Variants in BMP5 observed in about 807,000 individuals in gnomAD.
The protein encoded by BMP5 is bone morphogenetic protein 5.
Under a neutral mutation model 46.6 loss-of-function variants are expected in BMP5, and 23 were observed. The ratio of observed to expected loss-of-function variants is 0.49; its 90% CI spans 0.35 to 0.70. The LOEUF is 0.70. Among genes scored for constraint, BMP5 ranks in the 30% least tolerant of loss-of-function variants. The pLI, the probability that BMP5 is intolerant of heterozygous loss-of-function variation, is 0.00. For missense variants in BMP5, 545 were observed against 565.6 expected (o/e 0.96, Z 0.37); for synonymous variants, 204 against 191.9 (o/e 1.06, Z -0.52).
intron 3 of BMP5, among the ~76,000 whole-genome samples, chr6:55,785,113 T>C (rs1435790123): frequency 6.6e-6 from 1 of 151,834 alleles, no homozygotes; most frequent in African/African-American, 2.4e-5. Context: ...TTACTGAAAA[T>C]GAATTAAAAA....
chr6:55,859,333 G>A (rs1003250593), intron 1 of BMP5, among the ~76,000 whole-genome samples: 3 of 152,072 alleles, frequency 2.0e-5, no homozygotes, highest in Admixed American at 2.0e-4. Context: ...TAAAAAACTG[G>A]TCAGGAATGT....
chr6:55,851,049 A>ACTTTATAT (rs1276728131), intron 1 of BMP5, among the ~76,000 whole-genome samples: 1 of 151,912 alleles, frequency 6.6e-6, no homozygotes, highest in East Asian at 1.9e-4. Flanking sequence ...TGTGTATCCT[A>ACTTTATAT]CTTTATATTC....
chr6:55,870,549 TG>T (rs1327465306), intron 1 of BMP5, among the ~76,000 whole-genome samples: 2 of 152,186 alleles, frequency 1.3e-5, no homozygotes, highest in East Asian at 3.9e-4. Flanking sequence ...CATGTGTTTA[TG>T]GGTGTGTTTA....
At chr6:55,865,668 T>A (rs1777623938) in intron 1 of BMP5, among the ~76,000 whole-genome samples, 1 of 152,218 alleles carries the variant, frequency 6.6e-6, no homozygotes, top group South Asian at 2.1e-4. Flanking sequence ...TTTGACAAAG[T>A]CTTGTAGGCT....
At chr6:55,756,321 C>G (rs574957871) in intron 6 of BMP5, among the ~76,000 whole-genome samples, 1 of 151,908 alleles carries the variant, frequency 6.6e-6, no homozygotes, top group African/African-American at 2.4e-5. Context: ...GCCCCCTAGA[C>G]AAGTGCCAAA....
At chr6:55,819,967 A>G (rs1776369750) in intron 1 of BMP5, 120 bp from the exon 2 acceptor site, 1 of 851,090 alleles carries the variant, frequency 1.2e-6, no homozygotes. Flanking sequence ...AAAACTGGAA[A>G]AACCCTAAAA....
rs1043243175 is a variant in BMP5, at chr6:55,828,030, T to C, written c.491-8183A>G. Among the ~76,000 whole-genome samples the C allele has an allele frequency of 1.9e-4, 29 of 152,010 alleles. 1 individual carries two copies. Among genetic ancestry groups the C allele is most frequent in the African/African-American group, 7.0e-4 (29 of 41,550 alleles). Reference sequence around the variant, plus strand: ...GGTCAACCATTCTAATCTCACCAGATTTCACTAAATGATCTTGTGAATTCT... The same window carrying C: ...GGTCAACCATTCTAATCTCACCAGACTTCACTAAATGATCTTGTGAATTCT... On this transcript the variant is annotated intron_variant, in intron 1 of 6. Transcript: ENST00000370830.
At chr6:55,843,950 T>C (rs916763862) in intron 1 of BMP5, among the ~76,000 whole-genome samples, 1 of 152,036 alleles carries the variant, frequency 6.6e-6, no homozygotes, top group African/African-American at 2.4e-5. Context: ...TCAGTCATGA[T>C]TTTTCATGAA....
intron 2 of BMP5, among the ~76,000 whole-genome samples, chr6:55,795,373 T>C (rs1775683797): frequency 6.6e-6 from 1 of 152,040 alleles, no homozygotes; most frequent in Admixed American, 6.6e-5. Flanking sequence ...TTTATGACCT[T>C]TGATATTGTA....
At chr6:55,849,931 T>C (rs1173264482) in intron 1 of BMP5, among the ~76,000 whole-genome samples, 2 of 152,092 alleles carry the variant, frequency 1.3e-5, no homozygotes, top group East Asian at 3.8e-4. Flanking sequence ...TTACAGTACA[T>C]TTTCTGGTGG....
At chr6:55,786,017 A>G (rs968370244) in intron 3 of BMP5, among the ~76,000 whole-genome samples, 1 of 151,886 alleles carries the variant, frequency 6.6e-6, no homozygotes, top group Middle Eastern at 3.4e-3. Flanking sequence ...TTTGATCCCT[A>G]ACACAATTAC....
At chr6:55,855,915 G>T (rs1198297623) in intron 1 of BMP5, among the ~76,000 whole-genome samples, 3 of 152,058 alleles carry the variant, frequency 2.0e-5, no homozygotes, top group Non-Finnish European at 4.4e-5. Context: ...ATCTGCCTCT[G>T]TAATTTGCTT....
chr6:55,825,608 T>G (rs1157642720), intron 1 of BMP5, among the ~76,000 whole-genome samples: 1 of 151,272 alleles, frequency 6.6e-6, no homozygotes, highest in Non-Finnish European at 1.5e-5. Context: ...TAGAAGTTGT[T>G]TTTTTTTTCC....
chr6:55,833,761 A>C (rs1020118379), intron 1 of BMP5, among the ~76,000 whole-genome samples: 3 of 152,198 alleles, frequency 2.0e-5, no homozygotes, highest in Admixed American at 2.0e-4. Context: ...CAGAAACTAA[A>C]GGATATAGTG....
At chr6:55,786,630 T>G (rs1194432896) in intron 3 of BMP5, among the ~76,000 whole-genome samples, 2 of 151,718 alleles carry the variant, frequency 1.3e-5, no homozygotes, top group African/African-American at 2.4e-5. Flanking sequence ...AATTTATTCT[T>G]AAATATTAAT....
intron 4 of BMP5, among the ~76,000 whole-genome samples, chr6:55,772,192 A>T (rs549948453): frequency 6.6e-6 from 1 of 151,910 alleles, no homozygotes; most frequent in Non-Finnish European, 1.5e-5. Flanking sequence ...TTGTACTCTA[A>T]ATGGTGTTAG....
chr6:55,801,554 A>G (rs953657577), intron 2 of BMP5, among the ~76,000 whole-genome samples: 2 of 152,184 alleles, frequency 1.3e-5, no homozygotes, highest in Non-Finnish European at 2.9e-5. Context: ...GTGGACCTTA[A>G]GCCCAGCTTC....
intron 2 of BMP5, among the ~76,000 whole-genome samples, chr6:55,813,963 T>C (rs1776197283): frequency 6.6e-6 from 1 of 152,160 alleles, no homozygotes; most frequent in African/African-American, 2.4e-5. Context: ...TTCTGTAAGA[T>C]AAATTCATAA....
chr6:55,799,590 C>T (rs1775794689), intron 2 of BMP5, among the ~76,000 whole-genome samples: 1 of 152,164 alleles, frequency 6.6e-6, no homozygotes, highest in Admixed American at 6.5e-5. Context: ...AACTTCTGTT[C>T]TGGGAAGCCC....
Sources: gnomAD v4.1 joint callset for allele counts (sites outside exome capture counted in the v4.1 genomes callset) on GRCh38, gnomAD v4.1.1 for gene constraint, MANE v1.5 for transcripts, NCBI Gene and HGNC (gene_info 2026-07-23, HGNC 2026-07-21) for gene names.